Variants in ITPR1 observed in about 807,000 individuals in gnomAD.
The protein encoded by ITPR1 is inositol 1,4,5-trisphosphate-gated calcium channel ITPR1.
A neutral mutation model predicts 318.4 loss-of-function variants in ITPR1; 96 were observed. That is an observed-to-expected ratio of 0.30 (90% confidence interval 0.26 to 0.36). ITPR1 has a LOEUF of 0.36. ITPR1 is among the 10% of genes least tolerant of loss of function. The probability of loss-of-function intolerance (pLI) is 1.00; values close to 1 mark genes in which losing one functional copy is unlikely to be tolerated. For synonymous variants in ITPR1, 1,312 were observed against 1,289.9 expected (o/e 1.02, Z -0.37); for missense variants, 2,440 against 3,460.2 (o/e 0.71, Z 7.40).
chr3:4,693,413 C>G (rs1404043005), intron 32 of ITPR1, 77 bp from the exon 33 acceptor site: 1 of 1,499,516 alleles, frequency 6.7e-7, no homozygotes, highest in Non-Finnish European at 9.2e-7. Flanking sequence ...CCTCTCTCTT[C>G]CTCTGTGAAT....
intron 4 of ITPR1, among the ~76,000 whole-genome samples, chr3:4,584,370 A>C (rs1376015514): frequency 6.6e-6 from 1 of 152,102 alleles, no homozygotes; most frequent in Admixed American, 6.5e-5. Flanking sequence ...GATGTGGCTT[A>C]TTCCTTGGAG....
At position 4,675,243 on chromosome 3, in the gene ITPR1, T is replaced by C. The variant is rs1307272310; in HGVS notation, c.2774T>C (p.Leu925Pro). Residue 925 changes from leucine to proline, a missense_variant, in exon 23 of 62, where the codon CTG becomes CCG. Around this residue, in one of 23 missense-constraint regions of ITPR1, gnomAD observed 478 missense variants for 696.3 expected, o/e 0.69. Coordinates refer to ENST00000649015, the MANE Select transcript of ITPR1 (RefSeq NM_001378452.1). Reference sequence around the variant, plus strand: ...AAAGGTAACAATGATGTGGAGAAGCTGAAGAGTGAGTATCTGAGGGTGCCC... The same window carrying C: ...AAAGGTAACAATGATGTGGAGAAGCCGAAGAGTGAGTATCTGAGGGTGCCC... ...ENKGNNDVEK[L>P]KSSNVMRSIH... 1 of 1,607,596 alleles carries C rather than the reference T, an allele frequency of 6.2e-7. No individual in the cohort carries two copies. The highest frequency in any genetic ancestry group is 1.3e-5 in the African/African-American group (1 of 74,542).
chr3:4,776,954 G>C (rs1397409781), intron 47 of ITPR1, among the ~76,000 whole-genome samples: 1 of 152,234 alleles, frequency 6.6e-6, no homozygotes, highest in African/African-American at 2.4e-5. Context: ...TCAGAACCCA[G>C]AATCAGTCAT....
rs549620466 is a variant in ITPR1 at position 4,540,033 on chromosome 3, T to TA, written c.163+18942dup. Among the ~76,000 whole-genome samples the TA allele has an allele frequency of 2.1e-4, 31 of 148,920 alleles. 1 individual carries two copies. The South Asian group carries it at 6.7e-3, about 32-fold the overall frequency. On this transcript the variant is annotated intron_variant, in intron 4 of 61. Coordinates refer to ENST00000649015, the MANE Select transcript of ITPR1 (RefSeq NM_001378452.1). ...TACTTACAGTGAATTTTACTATAAG[T>TA]AAATTAGTTAAAAGGGTTAAAAAAA...
At chr3:4,573,231 C>A (rs572674348) in intron 4 of ITPR1, among the ~76,000 whole-genome samples, 1 of 152,160 alleles carries the variant, frequency 6.6e-6, no homozygotes, top group Non-Finnish European at 1.5e-5. Context: ...CTAATTTCTC[C>A]ACATCTATCC....
At chr3:4,587,354 A>G (rs2090013117) in intron 4 of ITPR1, among the ~76,000 whole-genome samples, 1 of 149,572 alleles carries the variant, frequency 6.7e-6, no homozygotes, top group Non-Finnish European at 1.5e-5. Context: ...GCTTACTGCA[A>G]CCTCCACCTC....
At chr3:4,790,304 G>A (rs913641978) in intron 52 of ITPR1, among the ~76,000 whole-genome samples, 1 of 152,212 alleles carries the variant, frequency 6.6e-6, no homozygotes, top group Non-Finnish European at 1.5e-5. Flanking sequence ...CCTCACCTGT[G>A]AAGTGAGGGA....
intron 4 of ITPR1, among the ~76,000 whole-genome samples, chr3:4,535,439 TTA>T (rs1340766692): frequency 8.7e-6 from 1 of 115,470 alleles, no homozygotes; most frequent in Non-Finnish European, 1.9e-5. Flanking sequence ...TTTTTTTTTT[TTA>T]ATTTTTTTTT....
chr3:4,681,706 A>C (rs1298170737), intron 26 of ITPR1, among the ~76,000 whole-genome samples: 1 of 151,774 alleles, frequency 6.6e-6, no homozygotes, highest in Non-Finnish European at 1.5e-5. Context: ...AAATACCTAC[A>C]TTACAAGATT....
intron 60 of ITPR1, among the ~76,000 whole-genome samples, chr3:4,824,963 G>A (rs1369852985): frequency 6.6e-6 from 1 of 152,214 alleles, no homozygotes; most frequent in Non-Finnish European, 1.5e-5. Flanking sequence ...GGAATGACAT[G>A]TCCTTTGGTG....
rs191653145 is a variant in ITPR1 at position 4,521,111 on chromosome 3, C to T, written c.163+17C>T. The T allele has an allele frequency of 1.9e-6, 3 of 1,581,422 alleles. No homozygotes were observed. Among genetic ancestry groups the T allele is most frequent in the East Asian group, 4.5e-5 (2 of 44,704 alleles). On this transcript the variant is annotated intron_variant, in intron 4 of 61. Transcript: ENST00000649015. ...AATTCAGAGGTAAGGTGGTGGCTTTCCTGGAGTAGTCACCTTGACTCACTT... is the reference window on the plus strand; with the variant it reads ...AATTCAGAGGTAAGGTGGTGGCTTTTCTGGAGTAGTCACCTTGACTCACTT...
At chr3:4,803,958 G>A (rs551605447) in intron 54 of ITPR1, among the ~76,000 whole-genome samples, 17 of 152,218 alleles carry the variant, frequency 1.1e-4, no homozygotes, top group Non-Finnish European at 1.5e-4. Flanking sequence ...TGCAACCTCC[G>A]CCTCCTGGGT....
At chr3:4,746,213 C>T (rs1425568343) in intron 44 of ITPR1, among the ~76,000 whole-genome samples, 3 of 152,234 alleles carry the variant, frequency 2.0e-5, no homozygotes, top group Non-Finnish European at 4.4e-5. Context: ...GGGCATTTCT[C>T]TCTTCCACGC....
At chr3:4,802,953 C>A (rs1285904047) in intron 54 of ITPR1, among the ~76,000 whole-genome samples, 2 of 152,070 alleles carry the variant, frequency 1.3e-5, no homozygotes, top group Non-Finnish European at 2.9e-5. Context: ...TCTATTAGTT[C>A]GTTCTCACAT....
chr3:4,516,046 C>T (rs1189636998), intron 2 of ITPR1, among the ~76,000 whole-genome samples: 1 of 152,164 alleles, frequency 6.6e-6, no homozygotes, highest in Admixed American at 6.5e-5. Flanking sequence ...GTTTTTATAC[C>T]AGGTGTTTCC....
At chr3:4,689,028 G>C (rs912587260) in intron 31 of ITPR1, among the ~76,000 whole-genome samples, 1 of 152,042 alleles carries the variant, frequency 6.6e-6, no homozygotes, top group East Asian at 1.9e-4. Flanking sequence ...ATCTTAGTTT[G>C]TTAAATATAT....
chr3:4,551,431 A>G (rs1002959777), intron 4 of ITPR1, among the ~76,000 whole-genome samples: 1 of 152,222 alleles, frequency 6.6e-6, no homozygotes, highest in Admixed American at 6.5e-5. Context: ...TAGCTTCAGC[A>G]TACAGGGTTT....
intron 4 of ITPR1, among the ~76,000 whole-genome samples, chr3:4,523,182 G>A (rs574862063): frequency 1.3e-5 from 2 of 152,154 alleles, no homozygotes; most frequent in South Asian, 2.1e-4. Context: ...TGGGTCCAGC[G>A]TGAGCTCTTA....
rs568744044 is a variant in ITPR1, at chr3:4,498,416, G to A, written c.-17+3910G>A. Among the ~76,000 whole-genome samples the A allele has an allele frequency of 3.3e-4, 51 of 152,242 alleles. 1 individual carries two copies. Among genetic ancestry groups the A allele is most frequent in the African/African-American group, 1.2e-3 (51 of 41,534 alleles). On this transcript the variant is annotated intron_variant, in intron 2 of 61. Coordinates refer to ENST00000649015, the MANE Select transcript of ITPR1 (RefSeq NM_001378452.1). The stretch of plus-strand genomic sequence containing the variant: ...ATAGGAGTGTTTGTGACATGTTGGA[G>A]GAAGGAGAAGAAGGCCAGGGGAGAG...
Sources: allele counts gnomAD v4.1 joint callset (sites outside exome capture counted in the v4.1 genomes callset), GRCh38; gene constraint gnomAD v4.1.1; regional missense constraint gnomAD v4.1.1; transcripts MANE v1.5; gene names NCBI Gene and HGNC (gene_info 2026-07-23, HGNC 2026-07-21).